Variants in KLF15 observed in about 807,000 individuals in gnomAD.
The protein encoded by KLF15 is Krueppel-like factor 15.
A neutral mutation model predicts 24.6 loss-of-function variants in KLF15; 4 were observed. The ratio of observed to expected loss-of-function variants is 0.16; its 90% CI spans 0.08 to 0.37. The LOEUF (loss-of-function observed/expected upper bound fraction) is 0.37, where lower values mean the gene tolerates loss of function less well. KLF15 is among the 10% of genes least tolerant of loss of function. KLF15 has a pLI of 1.00. For missense variants in KLF15, 496 were observed against 560.6 expected (o/e 0.88, Z 1.16); for synonymous variants, 246 against 236.3 (o/e 1.04, Z -0.37).
chr3:126,309,981 G>T, the KLF15 span, among the ~76,000 whole-genome samples: 1 of 152,202 alleles, frequency 6.6e-6, no homozygotes, highest in Non-Finnish European at 1.5e-5. Flanking sequence ...CCAAAGACTG[G>T]GCAGTTCATC....
chr3:126,336,413 C>T, the KLF15 span, among the ~76,000 whole-genome samples: 1 of 58,290 alleles, frequency 1.7e-5, no homozygotes, highest in Non-Finnish European at 3.0e-5. Context: ...ACACCTTATA[C>T]AAAAATCAAT....
Position 126,356,922 on chromosome 3 carries a change from C to A in KLF15, c.-26+315G>T, listed in dbSNP as rs2082637446. On this transcript the variant is annotated intron_variant, in intron 1 of 2. Coordinates refer to ENST00000296233, the MANE Select transcript of KLF15 (RefSeq NM_014079.4). The surrounding 1 kb of genome is among the most constrained non-coding windows in gnomAD (Gnocchi z 4.4). ...TCCCCCTCCTCTCACCAGGCCGCGC[C>A]GGTGCCCACCATATGGGAGGGCCGG... Among the ~76,000 whole-genome samples the A allele has an allele frequency of 6.6e-6, 1 of 151,842 alleles. No individual in the cohort carries two copies. Among genetic ancestry groups the A allele is most frequent in the Admixed American group, 6.5e-5 (1 of 15,276 alleles).
At chr3:126,307,705 A>C in the KLF15 span, among the ~76,000 whole-genome samples, 143 of 152,326 alleles carry the variant, frequency 9.4e-4, 1 homozygote, top group Non-Finnish European at 1.8e-3. Flanking sequence ...GCTGGTCTTT[A>C]AGAACCAGAA....
At chr3:126,307,846 T>C in the KLF15 span, among the ~76,000 whole-genome samples, 2 of 152,042 alleles carry the variant, frequency 1.3e-5, no homozygotes, top group East Asian at 3.9e-4. Context: ...TGCTACCAGC[T>C]CTCCTCACTT....
At chr3:126,346,612 T>C (rs577280045) in intron 2 of KLF15, among the ~76,000 whole-genome samples, 1 of 152,194 alleles carries the variant, frequency 6.6e-6, no homozygotes, top group East Asian at 1.9e-4. Flanking sequence ...GCAGATGAGA[T>C]AGAACCAAGC....
the KLF15 span, among the ~76,000 whole-genome samples, chr3:126,303,458 C>T: frequency 1.3e-5 from 2 of 152,016 alleles, no homozygotes; most frequent in East Asian, 1.9e-4. Context: ...AGATGATATT[C>T]CACTGTTTTC....
In KLF15 at chr3:126,352,542, C is replaced by T. The variant is rs2082593177; in HGVS notation, c.381G>A (p.Leu127=). 6.2e-7 allele frequency: 1 copy of T among 1,612,986 alleles called. No homozygotes were observed. The highest frequency in any genetic ancestry group is 8.5e-7 in the Non-Finnish European group (1 of 1,180,018). The change falls in exon 2 of 3, where the codon TTG becomes TTA. Residue 127 remains leucine, a synonymous_variant. Coordinates refer to ENST00000296233, the MANE Select transcript of KLF15 (RefSeq NM_014079.4). ...GEHFCLPEFP[L]GDPDDVPRPF... ...GCCGTGGGACGTCATCAGGATCACCCAAAGGAAACTCGGGCAAGCAGAAAT... is the reference window on the plus strand; with the variant it reads ...GCCGTGGGACGTCATCAGGATCACCTAAAGGAAACTCGGGCAAGCAGAAAT...
chr3:126,297,007 G>C, the KLF15 span, among the ~76,000 whole-genome samples: 1 of 152,098 alleles, frequency 6.6e-6, no homozygotes, highest in Non-Finnish European at 1.5e-5. Context: ...ACTCTGGGCT[G>C]AAGCAATCCT....
Position 126,352,348 on chromosome 3 carries a change from C to G in KLF15, c.575G>C (p.Cys192Ser). 1.9e-6 allele frequency: 3 copies of G among 1,594,838 alleles called. No individual in the cohort carries two copies. Among genetic ancestry groups the G allele is most frequent in the Non-Finnish European group, 2.6e-6 (3 of 1,171,376 alleles). ...LHPGSSGRERCSPPPGGASAG... is the reference protein window; with the variant it reads ...LHPGSSGRERSSPPPGGASAG... ...ACTGGCACCACCTGGTGGAGGGGAA[C>G]AGCGCTCTCTCCCGCTGGACCCAGG... Residue 192 changes from cysteine to serine, a missense_variant, in exon 2 of 3, where the codon TGT becomes TCT. Cys to Ser is a moderately radical substitution (Grantham distance 112, BLOSUM62 -1). This residue lies in a region of KLF15 where 399 missense variants were observed against 423.1 expected (regional missense o/e 0.94). Coordinates refer to ENST00000296233, the MANE Select transcript of KLF15 (RefSeq NM_014079.4).
chr3:126,290,205 T>G, the KLF15 span, among the ~76,000 whole-genome samples: 1 of 152,182 alleles, frequency 6.6e-6, no homozygotes, highest in Admixed American at 6.5e-5. Flanking sequence ...ACATTTCTAT[T>G]TTGCTTTTCT....
In KLF15 at chr3:126,352,247, C is replaced by G; in HGVS notation, c.676G>C (p.Val226Leu). The G allele has an allele frequency of 6.5e-7, 1 of 1,534,708 alleles. No individual in the cohort carries two copies. Among genetic ancestry groups the G allele is most frequent in the Non-Finnish European group, 8.7e-7 (1 of 1,143,596 alleles). ...PIPVLLQIQPVPVKQESGTGP... is the reference protein window; with the variant it reads ...PIPVLLQIQPLPVKQESGTGP... The stretch of plus-strand genomic sequence containing the variant: ...GTGCCCGATTCCTGCTTCACAGGCA[C>G]GGGCTGGATCTGCAGCAACACTGGG... The change falls in exon 2 of 3, where the codon GTG (valine) becomes CTG (leucine). Residue 226 changes from valine (V) to leucine (L), a missense_variant. Physicochemically the swap from Val to Leu is conservative, Grantham distance 32 (BLOSUM62 1). Around this residue, in one of 3 missense-constraint regions of KLF15, gnomAD observed 399 missense variants for 423.1 expected, o/e 0.94. Coordinates refer to ENST00000296233, the MANE Select transcript of KLF15 (RefSeq NM_014079.4).
the KLF15 span, among the ~76,000 whole-genome samples, chr3:126,289,250 T>A: frequency 1.1e-4 from 17 of 152,256 alleles, no homozygotes; most frequent in South Asian, 4.1e-4. Flanking sequence ...AGAATATTTT[T>A]AAAATCCTAT....
chr3:126,323,758 G>T, the KLF15 span, among the ~76,000 whole-genome samples: 1 of 137,238 alleles, frequency 7.3e-6, no homozygotes, highest in Non-Finnish European at 1.5e-5. Context: ...CATATTTTGG[G>T]TACCATTATA....
Position 126,343,603 on chromosome 3 carries a change from G to C in KLF15, c.*124C>G, listed in dbSNP as rs1217401307. The C allele has an allele frequency of 3.0e-6, 3 of 990,444 alleles. No individual in the cohort carries two copies. Among genetic ancestry groups the C allele is most frequent in the Non-Finnish European group, 4.5e-6 (3 of 669,188 alleles). The allele number at this position is 990,444 out of a possible 1,614,324, so 61.4% of individuals were successfully genotyped here. A position where few individuals can be genotyped will look rare whatever the true frequency, so the allele number is the denominator to read the frequency against. ...CGGGCCCTGGGTTCACACCTCCCAG[G>C]CTTCAGAAGGTGGGCTGGTAACATT... is the stretch of plus-strand genomic sequence containing the variant. On this transcript the variant is annotated 3_prime_UTR_variant, in exon 3 of 3. Coordinates refer to ENST00000296233, the MANE Select transcript of KLF15 (RefSeq NM_014079.4).
chr3:126,290,512 C>CTTCCTTCT, the KLF15 span, among the ~76,000 whole-genome samples: 1 of 149,172 alleles, frequency 6.7e-6, no homozygotes, highest in Non-Finnish European at 1.5e-5. Context: ...TCCTACCTTC[C>CTTCCTTCT]TTCCTTCCTT....
At chr3:126,295,847 G>C in the KLF15 span, among the ~76,000 whole-genome samples, 1 of 152,156 alleles carries the variant, frequency 6.6e-6, no homozygotes, top group African/African-American at 2.4e-5. Context: ...ATGCTGACCT[G>C]TCTTCAGCAA....
At position 126,342,682 on chromosome 3, in the gene KLF15, AG is replaced by A. The variant is rs1218960904; in HGVS notation, c.*1044del. 6.6e-6 allele frequency: 1 copy of A among 152,612 alleles called. No homozygotes were observed. The highest frequency in any genetic ancestry group is 1.5e-5 in the Non-Finnish European group (1 of 68,050). The allele number at this position is 152,612 out of a possible 1,614,324, so 9.5% of individuals were successfully genotyped here. ...TGGCAAAGTAAATATATTTTTATGA[AG>A]GACCAAAGAAAATATACGTAATTGT... On this transcript the variant is annotated 3_prime_UTR_variant, in exon 3 of 3. Coordinates refer to ENST00000296233, the MANE Select transcript of KLF15 (RefSeq NM_014079.4).
At chr3:126,304,755 T>C in the KLF15 span, among the ~76,000 whole-genome samples, 8 of 152,246 alleles carry the variant, frequency 5.3e-5, no homozygotes, top group African/African-American at 1.9e-4. Context: ...AGTCTCCACT[T>C]TCCCATGTTG....
At chr3:126,312,021 T>C in the KLF15 span, among the ~76,000 whole-genome samples, 3 of 152,162 alleles carry the variant, frequency 2.0e-5, no homozygotes, top group African/African-American at 7.2e-5. Flanking sequence ...CCTGGCTGAT[T>C]TGGCTGACCA....
Sources: allele counts gnomAD v4.1 joint callset (sites outside exome capture counted in the v4.1 genomes callset), GRCh38; gene constraint gnomAD v4.1.1; regional missense constraint gnomAD v4.1.1; non-coding constraint Gnocchi (gnomAD v3.1); transcripts MANE v1.5; gene names NCBI Gene and HGNC (gene_info 2026-07-23, HGNC 2026-07-21).